TP53BP2: variants seen among roughly 807,000 people sequenced by gnomAD.
The protein encoded by TP53BP2 is apoptosis-stimulating of p53 protein 2.
A neutral mutation model predicts 126.2 loss-of-function variants in TP53BP2; 62 were observed. That is an observed-to-expected ratio of 0.49 (90% CI 0.40 to 0.61). The LOEUF (loss-of-function observed/expected upper bound fraction) is 0.61, where lower values mean the gene tolerates loss of function less well. TP53BP2 is among the 20% of genes least tolerant of loss of function. The pLI is 0.00. For missense variants in TP53BP2, 1,215 were observed against 1,402.8 expected, an observed-to-expected ratio of 0.87 and a Z score of 2.14; for synonymous variants, 485 against 502.9, an observed-to-expected ratio of 0.96 and a Z score of 0.48.
intron 17 of TP53BP2, 112 bp from the exon 18 acceptor site, chr1:223,781,006 T>C: frequency 2.0e-6 from 2 of 1,013,774 alleles, no homozygotes; most frequent in Non-Finnish European, 1.5e-6. Flanking sequence ...GAAATCAAAG[T>C]GAGAAAAGCA....
intron 2 of TP53BP2, among the ~76,000 whole-genome samples, chr1:223,819,039 TG>T (rs1663199844): frequency 6.6e-6 from 1 of 151,366 alleles, no homozygotes; most frequent in Non-Finnish European, 1.5e-5. Flanking sequence ...CAAAATTAGT[TG>T]GGCGTGGTGG....
chr1:223,786,594 G>GTGTGTT (rs1315154138), intron 16 of TP53BP2, among the ~76,000 whole-genome samples: 1 of 149,928 alleles, frequency 6.7e-6, no homozygotes, highest in Admixed American at 6.6e-5. Context: ...GTGTGTGTGT[G>GTGTGTT]TGTGTGTGTG....
intron 1 of TP53BP2, among the ~76,000 whole-genome samples, chr1:223,833,486 C>T (rs1436474371): frequency 6.6e-6 from 1 of 152,200 alleles, no homozygotes. Context: ...CTGGAGCACA[C>T]AATCATATTC....
chr1:223,798,544 G>A lies in TP53BP2; in HGVS notation c.1619C>T (p.Ser540Leu). 1.9e-6 allele frequency: 3 copies of A among 1,614,182 alleles called. No homozygotes were observed. Among genetic ancestry groups the A allele is most frequent in the Non-Finnish European group, 2.5e-6 (3 of 1,180,028 alleles). Reference sequence around the variant, plus strand: ...AGTTCCCATGGACGGAACAACTGTTGACAACTGCTGAGAACTTCCGTCTGG... The same window carrying A: ...AGTTCCCATGGACGGAACAACTGTTAACAACTGCTGAGAACTTCCGTCTGG... The part of the protein sequence containing the change: ...IKPDGSSQQL[S>L]TVVPSMGTKP... Residue 540 changes from serine (S) to leucine (L), a missense_variant, in exon 12 of 18, where the codon TCA becomes TTA. This residue lies in a region of TP53BP2 where 814 missense variants were observed against 853.0 expected (regional missense o/e 0.95). Transcript: ENST00000343537.
chr1:223,835,404 T>C (rs720757), intron 1 of TP53BP2, among the ~76,000 whole-genome samples: 56,445 of 152,112 alleles, frequency 0.37, 10,978 homozygotes, highest in African/African-American at 0.47. Context: ...CAAATACATT[T>C]AGTTAATTCC....
intron 1 of TP53BP2, among the ~76,000 whole-genome samples, chr1:223,841,324 T>G (rs1664097529): frequency 6.6e-6 from 1 of 152,144 alleles, no homozygotes; most frequent in African/African-American, 2.4e-5. Context: ...CAGCCTTTGA[T>G]AACTGTAATT....
intron 3 of TP53BP2, among the ~76,000 whole-genome samples, chr1:223,810,799 C>G (rs564461176): frequency 6.6e-6 from 1 of 152,098 alleles, no homozygotes; most frequent in Non-Finnish European, 1.5e-5. Context: ...AATTAACAAA[C>G]GTAATGTACT....
chr1:223,817,916 ACT>A (rs1663145559), intron 2 of TP53BP2, among the ~76,000 whole-genome samples: 2 of 149,138 alleles, frequency 1.3e-5, no homozygotes, highest in Admixed American at 1.3e-4. Flanking sequence ...ACAGAGTGAG[ACT>A]CAGTCTCAAA....
Position 223,792,481 on chromosome 1 carries a change from A to G in TP53BP2, c.2904T>C (p.Ala968=), listed in dbSNP as rs1346864410. 1 of 1,613,986 alleles carries G rather than the reference A, an allele frequency of 6.2e-7. No individual in the cohort carries two copies. Among genetic ancestry groups the G allele is most frequent in the Non-Finnish European group, 8.5e-7 (1 of 1,179,964 alleles). Residue 968 remains alanine (A), a synonymous_variant, in exon 15 of 18, where the codon GCT becomes GCC. Coordinates refer to ENST00000343537, the MANE Select transcript of TP53BP2 (RefSeq NM_001031685.3). The part of the protein sequence containing the change: ...PSLPNDEGIT[A]LHNAVCAGHT... ...GGCCTGCACACACAGCATTGTGAAG[A>G]GCCGTGATGCCTTCATCATTGGGGA...
intron 1 of TP53BP2, among the ~76,000 whole-genome samples, chr1:223,842,174 G>A (rs1056018727): frequency 6.6e-6 from 1 of 152,024 alleles, no homozygotes; most frequent in East Asian, 1.9e-4. Flanking sequence ...TCCTGACCTC[G>A]TGATCCACCC....
chr1:223,783,967 G>T (rs927581784), intron 17 of TP53BP2, 148 bp downstream of exon 17: 1 of 720,190 alleles, frequency 1.4e-6, no homozygotes, highest in Non-Finnish European at 2.4e-6. Flanking sequence ...TGAAAATGAG[G>T]CTTTAAGTCT....
chr1:223,834,434 G>A (rs1663852599), intron 1 of TP53BP2, among the ~76,000 whole-genome samples: 1 of 152,128 alleles, frequency 6.6e-6, no homozygotes, highest in South Asian at 2.1e-4. Flanking sequence ...TGCAAATAAT[G>A]TAGAGTATTA....
At chr1:223,810,874 T>C (rs1662887883) in intron 3 of TP53BP2, among the ~76,000 whole-genome samples, 1 of 152,176 alleles carries the variant, frequency 6.6e-6, no homozygotes, top group Non-Finnish European at 1.5e-5. Flanking sequence ...ATTTAGCTAC[T>C]CAGTAGTTAA....
rs773926291 is a variant in TP53BP2, at chr1:223,798,627, T to C, written c.1536A>G (p.Pro512=). Residue 512 remains proline, a synonymous_variant, in exon 12 of 18, where the codon CCA becomes CCG. Transcript: ENST00000343537. ...AKVPPPVPTK[P]KQINLPYFGQ... ...CAAAATAAGGCAAATTAATCTGTTT[T>C]GGTTTTGTAGGAACAGGAGGTGGTA... 1 of 1,614,100 alleles carries C rather than the reference T, an allele frequency of 6.2e-7. No homozygotes were observed. Among genetic ancestry groups the C allele is most frequent in the East Asian group, 2.2e-5 (1 of 44,884 alleles).
rs773748521 is a variant in TP53BP2, at chr1:223,789,188, T to C, written c.2997-14A>G. 3 of 1,613,984 alleles carry C rather than the reference T, an allele frequency of 1.9e-6. No individual in the cohort carries two copies. The highest frequency in any genetic ancestry group is 2.5e-6 in the Non-Finnish European group (3 of 1,179,874). On this transcript the variant is annotated splice_polypyrimidine_tract_variant and intron_variant, in intron 15 of 17. Transcript: ENST00000343537. ...TGTAATGGAGTCCTGTGAAGCAAGA[T>C]ACGAGGGCTAGAACTGTTTTCCTAA...
At chr1:223,784,494 T>A (rs933709017) in intron 16 of TP53BP2, among the ~76,000 whole-genome samples, 180 bp from the exon 17 acceptor site, 7 of 152,148 alleles carry the variant, frequency 4.6e-5, no homozygotes, top group Non-Finnish European at 1.0e-4. Context: ...AAGGCAACAG[T>A]GTATTGGGAA....
intron 1 of TP53BP2, among the ~76,000 whole-genome samples, chr1:223,841,084 C>G (rs984097916): frequency 1.3e-5 from 2 of 152,038 alleles, no homozygotes; most frequent in Non-Finnish European, 2.9e-5. Context: ...AACCCTGTCT[C>G]TACTAAAAAA....
intron 15 of TP53BP2, among the ~76,000 whole-genome samples, chr1:223,789,489 A>G (rs1188768563): frequency 6.6e-6 from 1 of 152,204 alleles, no homozygotes; most frequent in Non-Finnish European, 1.5e-5. Context: ...ATTAACATGG[A>G]TTTAGTTCTA....
intron 1 of TP53BP2, among the ~76,000 whole-genome samples, chr1:223,824,281 C>T (rs918855622): frequency 6.6e-6 from 1 of 152,172 alleles, no homozygotes. Context: ...TTTAAAAGTA[C>T]AATTAAAAAT....
Sources: gnomAD v4.1 joint callset for allele counts (sites outside exome capture counted in the v4.1 genomes callset) on GRCh38, gnomAD v4.1.1 for gene constraint, gnomAD v4.1.1 regional missense constraint, MANE v1.5 for transcripts, NCBI Gene and HGNC (gene_info 2026-07-23, HGNC 2026-07-21) for gene names.